The following SERINC2 variants were observed in gnomAD, a reference collection of about 807,000 sequenced individuals.
SERINC2 encodes the protein serine incorporator 2, also known as tumor differentially expressed protein 2.
Under a neutral mutation model 54.2 loss-of-function variants are expected in SERINC2, and 56 were observed. The ratio of observed to expected loss-of-function variants is 1.03; its 90% CI spans 0.83 to 1.29. SERINC2 has a LOEUF of 1.29. SERINC2 is among the 50% of genes most tolerant of loss of function. The probability of loss-of-function intolerance (pLI) is 0.00; values close to 1 mark genes in which losing one functional copy is unlikely to be tolerated. For missense variants in SERINC2, 614 were observed against 607.4 expected, an observed-to-expected ratio of 1.01 and a Z score of -0.12; for synonymous variants, 272 against 253.1, an observed-to-expected ratio of 1.07 and a Z score of -0.71.
Position 31,413,851 on chromosome 1 carries a change from G to A in SERINC2, c.39+547G>A. 1 of 1,412,418 alleles carries A rather than the reference G, an allele frequency of 7.1e-7. No individual in the cohort carries two copies. The highest frequency in any genetic ancestry group is 9.2e-7 in the Non-Finnish European group (1 of 1,089,082). The allele number at this position is 1,412,418 out of a possible 1,614,324, so 87.5% of individuals were successfully genotyped here. On this transcript the variant is annotated intron_variant, in intron 1 of 9. Coordinates refer to ENST00000373709, the MANE Select transcript of SERINC2 (RefSeq NM_178865.5). This position sits in a 1 kb window ranked among gnomAD's most constrained non-coding sequence, Gnocchi z 5.0. The stretch of plus-strand genomic sequence containing the variant: ...TCCTGTCTGTGTCCGTCGTTCGTCC[G>A]ACTGTCTTTGTCCGTCTGCTGTCTT...
Position 31,429,558 on chromosome 1 carries a change from C to G in SERINC2, c.1013+20C>G. ...CATCAGGTATGGCCAGGTCTGGATTCTGGGGAAGGATCATGATTGAGGGCC... is the reference window on the plus strand; with the variant it reads ...CATCAGGTATGGCCAGGTCTGGATTGTGGGGAAGGATCATGATTGAGGGCC... On this transcript the variant is annotated intron_variant, in intron 8 of 9. Transcript: ENST00000373709. The G allele has an allele frequency of 1.9e-6, 3 of 1,580,476 alleles. No homozygotes were observed. Among genetic ancestry groups the G allele is most frequent in the Non-Finnish European group, 2.6e-6 (3 of 1,160,238 alleles).
chr1:31,431,840 A>ATAGGGTGGATAGGGTGGT (rs1641232514), intron 8 of SERINC2, among the ~76,000 whole-genome samples: 1 of 134,134 alleles, frequency 7.5e-6, no homozygotes. Context: ...GATAGGGTGG[A>ATAGGGTGGATAGGGTGGT]TAGGGTGGAT....
chr1:31,430,511 G>C (rs1414965221), intron 8 of SERINC2, among the ~76,000 whole-genome samples: 2 of 150,886 alleles, frequency 1.3e-5, no homozygotes, highest in African/African-American at 2.4e-5. Flanking sequence ...AAAAAAAAAA[G>C]GTTTTGTAAT....
intron 1 of SERINC2, among the ~76,000 whole-genome samples, chr1:31,420,158 G>A (rs1258830303): frequency 2.6e-5 from 4 of 152,116 alleles, no homozygotes; most frequent in African/African-American, 9.7e-5. Context: ...TGACATTTTG[G>A]TCAAATGGAA....
chr1:31,423,000 T>G (rs1640939019), intron 1 of SERINC2, among the ~76,000 whole-genome samples: 1 of 152,264 alleles, frequency 6.6e-6, no homozygotes, highest in African/African-American at 2.4e-5. Flanking sequence ...TGCTGTTTTC[T>G]GAGGTCTTAA....
In SERINC2 at chr1:31,422,037, G is replaced by A. The variant is rs142079068; in HGVS notation, c.40-1656G>A. Among the ~76,000 whole-genome samples, 860 of 152,150 alleles carry A rather than the reference G, an allele frequency of 5.7e-3. 64 individuals are homozygous for A. The East Asian group carries it at 0.14, about 25-fold the overall frequency. ...TAAAAGGCCAGGTGCAGTGGCTCACGCCTGTAATCCCAGCACTTTGGGAGG... is the reference window on the plus strand; with the variant it reads ...TAAAAGGCCAGGTGCAGTGGCTCACACCTGTAATCCCAGCACTTTGGGAGG... On this transcript the variant is annotated intron_variant, in intron 1 of 9. Coordinates refer to ENST00000373709, the MANE Select transcript of SERINC2 (RefSeq NM_178865.5).
chr1:31,412,798 A>C (rs558371942), upstream of SERINC2, among the ~76,000 whole-genome samples: 105 of 152,350 alleles, frequency 6.9e-4, 2 homozygotes, highest in South Asian at 0.021. Context: ...ATAGAGGTGC[A>C]GTGACTTGCC....
At chr1:31,424,976 C>A in intron 3 of SERINC2, 103 bp downstream of exon 3, 1 of 887,044 alleles carries the variant, frequency 1.1e-6, no homozygotes, top group Non-Finnish European at 1.7e-6. Flanking sequence ...CACTCAGGAG[C>A]CACGGGAGGG....
chr1:31,432,111 T>TGGAGAGAGTGGAC (rs1557501327), intron 8 of SERINC2, among the ~76,000 whole-genome samples: 7 of 10,612 alleles, frequency 6.6e-4, no homozygotes, highest in Non-Finnish European at 1.5e-3. Flanking sequence ...ACAGGGTGGA[T>TGGAGAGAGTGGAC]AGGGTGGTTA....
chr1:31,429,933 A>G (rs1641151493), intron 8 of SERINC2, among the ~76,000 whole-genome samples: 1 of 151,922 alleles, frequency 6.6e-6, no homozygotes, highest in Non-Finnish European at 1.5e-5. Context: ...GACAACCTCC[A>G]CTGTAGTGGA....
chr1:31,425,290 G>A (rs1553133391), intron 3 of SERINC2, 40 bp from the exon 4 acceptor site: 3 of 1,443,178 alleles, frequency 2.1e-6, no homozygotes, highest in Non-Finnish European at 2.9e-6. Context: ...TTCCCTGCCT[G>A]CACTCAGCTT....
intron 1 of SERINC2, among the ~76,000 whole-genome samples, chr1:31,415,522 C>T (rs1553132106): frequency 6.6e-6 from 1 of 152,216 alleles, no homozygotes; most frequent in African/African-American, 2.4e-5. Flanking sequence ...TGGCCTAGGC[C>T]CCATACAGTA....
Position 31,433,122 on chromosome 1 carries a change from T to C in SERINC2, c.1169T>C (p.Phe390Ser), listed in dbSNP as rs1175478860. The change falls in exon 9 of 10, where the codon TTC (phenylalanine) becomes TCC (serine). Residue 390 changes from phenylalanine (F) to serine (S), a missense_variant. Phe to Ser is a radical substitution (Grantham distance 155). Coordinates refer to ENST00000373709, the MANE Select transcript of SERINC2 (RefSeq NM_178865.5). ...EQDGVTYSYSFFHFCLVLASL... is the reference protein window; with the variant it reads ...EQDGVTYSYSSFHFCLVLASL... ...GACGGCGTCACCTACAGCTACTCCT[T>C]CTTCCACTTCTGCCTGGTGCTGGCC... 4 of 1,613,456 alleles carry C rather than the reference T, an allele frequency of 2.5e-6. No individual in the cohort carries two copies. In the African/African-American group the frequency reaches 5.3e-5, roughly 22 times the overall value.
chr1:31,434,433 C>A lies in SERINC2; in HGVS notation c.*234C>A. 1 of 561,500 alleles carries A rather than the reference C, an allele frequency of 1.8e-6. No individual in the cohort carries two copies. 34.8% of individuals were successfully genotyped at this position (561,500 alleles called of 1,614,324 possible). A position where few individuals can be genotyped will look rare whatever the true frequency, so the allele number is the denominator to read the frequency against. On this transcript the variant is annotated 3_prime_UTR_variant, in exon 10 of 10. Coordinates refer to ENST00000373709, the MANE Select transcript of SERINC2 (RefSeq NM_178865.5). ...CGCCACACCCACACGGTGGAGCTGC[C>A]TCTTCCTTCCCCTCCTCCCTGTTGC...
chr1:31,419,904 G>C (rs1640866153), intron 1 of SERINC2, among the ~76,000 whole-genome samples: 1 of 152,176 alleles, frequency 6.6e-6, no homozygotes, highest in Non-Finnish European at 1.5e-5. Flanking sequence ...AGCTACTCCG[G>C]AGGCTGAGGT....
At chr1:31,427,897 C>CGG (rs1419610292) in intron 6 of SERINC2, among the ~76,000 whole-genome samples, 4 of 142,900 alleles carry the variant, frequency 2.8e-5, no homozygotes, top group Admixed American at 7.4e-5. Flanking sequence ...GGTGTAATCT[C>CGG]GGCTCACTGC....
upstream of SERINC2, among the ~76,000 whole-genome samples, chr1:31,411,408 T>C (rs1348432667): frequency 6.6e-6 from 1 of 152,184 alleles, no homozygotes; most frequent in Non-Finnish European, 1.5e-5. Flanking sequence ...CACTACTTCT[T>C]TGTTTCTCGG....
chr1:31,415,815 G>A, intron 1 of SERINC2: 1 of 973,794 alleles, frequency 1.0e-6, no homozygotes, highest in South Asian at 4.7e-5. Context: ...GCATGGGTCA[G>A]TGGGGAAGAT....
chr1:31,432,228 T>TAGGGTGGAG (rs1641317602), intron 8 of SERINC2, among the ~76,000 whole-genome samples: 1 of 137,888 alleles, frequency 7.3e-6, no homozygotes, highest in African/African-American at 2.6e-5. Flanking sequence ...AGAGGGTGGA[T>TAGGGTGGAG]AGGGACCCAC....
Sources: gnomAD v4.1 joint callset for allele counts (sites outside exome capture counted in the v4.1 genomes callset) on GRCh38, gnomAD v4.1.1 for gene constraint, Gnocchi (gnomAD v3.1) non-coding constraint, MANE v1.5 for transcripts, NCBI Gene and HGNC (gene_info 2026-07-23, HGNC 2026-07-21) for gene names.